The following RALYL variants were observed in gnomAD, a reference collection of about 807,000 sequenced individuals.
RALYL encodes the protein RALY RNA binding protein like.
A neutral mutation model predicts 35.1 loss-of-function variants in RALYL; 29 were observed. The observed-to-expected ratio is 0.83, with a 90% CI of 0.61 to 1.13. The LOEUF (loss-of-function observed/expected upper bound fraction) is 1.13, where lower values mean the gene tolerates loss of function less well. Ranked by LOEUF, RALYL falls within the 50% of genes most tolerant of loss-of-function variation. RALYL has a pLI of 0.00. For missense variants in RALYL, 359 were observed against 360.4 expected (o/e 1.00, Z 0.03); for synonymous variants, 120 against 127.6 (o/e 0.94, Z 0.40).
intron 3 of RALYL, among the ~76,000 whole-genome samples, chr8:84,796,045 G>T (rs986488567): frequency 3.3e-5 from 5 of 152,114 alleles, no homozygotes; most frequent in African/African-American, 1.2e-4. Flanking sequence ...GATATGGCTG[G>T]CACGAGAGTC....
intron 4 of RALYL, among the ~76,000 whole-genome samples, chr8:84,811,065 TTTG>T (rs199786233): frequency 0.013 from 1,966 of 152,154 alleles, 41 homozygotes; most frequent in African/African-American, 0.045. Flanking sequence ...GGTTTTGTTT[TTTG>T]TTTTTTTTTC....
chr8:84,601,118 A>G (rs1190766301), intron 2 of RALYL, among the ~76,000 whole-genome samples: 2 of 152,182 alleles, frequency 1.3e-5, no homozygotes, highest in Non-Finnish European at 2.9e-5. Flanking sequence ...GTCATTTAAT[A>G]TGCACAAATA....
intron 1 of RALYL, among the ~76,000 whole-genome samples, chr8:84,523,020 A>C (rs1405647371): frequency 6.6e-6 from 1 of 152,138 alleles, no homozygotes; most frequent in Non-Finnish European, 1.5e-5. Context: ...ACATGGTGGC[A>C]GGCAAGAAGC....
At chr8:84,262,272 C>A (rs923439987) in intron 1 of RALYL, among the ~76,000 whole-genome samples, 2 of 152,030 alleles carry the variant, frequency 1.3e-5, no homozygotes, top group Non-Finnish European at 2.9e-5. Flanking sequence ...TTTTTAAAAT[C>A]ATGGTTTTTA....
intron 6 of RALYL, among the ~76,000 whole-genome samples, chr8:84,863,260 G>A (rs762218274): frequency 1.3e-5 from 2 of 152,182 alleles, no homozygotes. Context: ...CCTAAAGGAA[G>A]TGAGGAAAAG....
chr8:84,438,790 C>A (rs1410882591), intron 1 of RALYL, among the ~76,000 whole-genome samples: 1 of 152,104 alleles, frequency 6.6e-6, no homozygotes, highest in Non-Finnish European at 1.5e-5. Flanking sequence ...CAGTCTCATT[C>A]TTCTGCATAT....
rs559331376 is a variant in RALYL at position 84,205,129 on chromosome 8, G to A, written c.-24+20705G>A. The stretch of plus-strand genomic sequence containing the variant: ...GATTATTTACAAATATGGCCCTTTC[G>A]TTTTATATACATTGTTATATTTTCT... On this transcript the variant is annotated intron_variant, in intron 1 of 8. Coordinates refer to ENST00000521268, the MANE Select transcript of RALYL (RefSeq NM_173848.7). 7.2e-5 allele frequency among the ~76,000 whole-genome samples: 11 copies of A among 152,092 alleles called. No individual in the cohort carries two copies. The East Asian group carries it at 1.4e-3, about 19-fold the overall frequency.
At chr8:84,902,847 T>A (rs1845918526) in intron 8 of RALYL, among the ~76,000 whole-genome samples, 1 of 152,200 alleles carries the variant, frequency 6.6e-6, no homozygotes, top group South Asian at 2.1e-4. Context: ...TATGGGATTT[T>A]GTATGTCAAA....
chr8:84,252,116 A>G (rs1224866300), intron 1 of RALYL, among the ~76,000 whole-genome samples: 3 of 151,972 alleles, frequency 2.0e-5, no homozygotes, highest in Admixed American at 6.6e-5. Context: ...GAACCGTTAT[A>G]TTTTTATCTT....
chr8:84,597,270 C>T (rs1814784048), intron 2 of RALYL, among the ~76,000 whole-genome samples: 1 of 152,078 alleles, frequency 6.6e-6, no homozygotes, highest in African/African-American at 2.4e-5. Flanking sequence ...GGTCCTAAAC[C>T]AGACTTTCTT....
intron 7 of RALYL, among the ~76,000 whole-genome samples, chr8:84,874,528 A>G (rs767399474): frequency 2.3e-4 from 35 of 152,184 alleles, no homozygotes; most frequent in Admixed American, 7.2e-4. Context: ...TCTGGGTGAC[A>G]CCTAAATGAT....
intron 1 of RALYL, among the ~76,000 whole-genome samples, chr8:84,259,911 T>A (rs1294241223): frequency 6.6e-6 from 1 of 152,150 alleles, no homozygotes; most frequent in Non-Finnish European, 1.5e-5. Context: ...GACCAGGCTG[T>A]TGCAATTTGC....
intron 2 of RALYL, among the ~76,000 whole-genome samples, chr8:84,678,161 G>T (rs914124326): frequency 1.3e-5 from 2 of 152,022 alleles, no homozygotes; most frequent in African/African-American, 4.8e-5. Context: ...ATATGGGAAT[G>T]GACAACTCTT....
intron 2 of RALYL, among the ~76,000 whole-genome samples, chr8:84,534,961 A>G (rs711055): frequency 0.96 from 146,199 of 152,302 alleles, 70,214 homozygotes; most frequent in East Asian, 1. Flanking sequence ...TTTATTCAAA[A>G]GTTAGAGTGA....
intron 4 of RALYL, among the ~76,000 whole-genome samples, chr8:84,837,664 G>A (rs543860852): frequency 2.0e-5 from 3 of 152,230 alleles, no homozygotes; most frequent in Non-Finnish European, 4.4e-5. Flanking sequence ...AGTAATAAAA[G>A]AAACAGTGTG....
At chr8:84,380,841 G>A (rs1857846023) in intron 1 of RALYL, among the ~76,000 whole-genome samples, 1 of 151,834 alleles carries the variant, frequency 6.6e-6, no homozygotes, top group African/African-American at 2.4e-5. Context: ...CTTGTGGTGG[G>A]CAGCATGATC....
intron 1 of RALYL, among the ~76,000 whole-genome samples, chr8:84,318,796 G>A (rs375254156): frequency 4.1e-4 from 63 of 152,184 alleles, no homozygotes; most frequent in African/African-American, 1.5e-3. Flanking sequence ...TACAATATAG[G>A]AAAACTAGCA....
chr8:84,352,744 T>C lies in RALYL; in HGVS notation c.-24+168320T>C, dbSNP rs563835935. On this transcript the variant is annotated intron_variant, in intron 1 of 8. Coordinates refer to ENST00000521268, the MANE Select transcript of RALYL (RefSeq NM_173848.7). Reference sequence around the variant, plus strand: ...TCATTACAATCCTGTGGGTTAGCTATTGTTATCTTCCTTTTTCACATAATG... The same window carrying C: ...TCATTACAATCCTGTGGGTTAGCTACTGTTATCTTCCTTTTTCACATAATG... Among the ~76,000 whole-genome samples, 4 of 150,454 alleles carry C rather than the reference T, an allele frequency of 2.7e-5. No homozygotes were observed. In the South Asian group the frequency reaches 6.2e-4, roughly 23 times the overall value.
intron 7 of RALYL, among the ~76,000 whole-genome samples, chr8:84,874,117 T>G (rs977519680): frequency 6.6e-6 from 1 of 152,154 alleles, no homozygotes; most frequent in Non-Finnish European, 1.5e-5. Flanking sequence ...GAAGCCTCCT[T>G]GGAGTTAAGA....
Sources: allele counts gnomAD v4.1 joint callset (sites outside exome capture counted in the v4.1 genomes callset), GRCh38; gene constraint gnomAD v4.1.1; transcripts MANE v1.5; gene names NCBI Gene and HGNC (gene_info 2026-07-23, HGNC 2026-07-21).